The following CMIP variants were observed in gnomAD, a reference collection of about 807,000 sequenced individuals.
CMIP encodes the protein c-Maf inducing protein, also known as C-Maf-inducing protein.
Under a neutral mutation model 97.3 loss-of-function variants are expected in CMIP, and 13 were observed. The observed-to-expected ratio is 0.13, with a 90% CI of 0.09 to 0.21. The LOEUF is 0.21. Among genes scored for constraint, CMIP ranks in the 10% least tolerant of loss-of-function variants. The probability of loss-of-function intolerance (pLI) is 1.00; values close to 1 mark genes in which losing one functional copy is unlikely to be tolerated. For missense variants in CMIP, 847 were observed against 1,024.9 expected (o/e 0.83, Z 2.37); for synonymous variants, 538 against 436.3 (o/e 1.23, Z -2.91).
In CMIP at chr16:81,621,796, A is replaced by G. The variant is rs376863840; in HGVS notation, c.477+870A>G. On this transcript the variant is annotated intron_variant, in intron 3 of 20. Transcript: ENST00000537098. This position sits in a 1 kb window ranked among gnomAD's most constrained non-coding sequence, Gnocchi z 4.1. The stretch of plus-strand genomic sequence containing the variant: ...CACGTGTTGGGAGGACCCAGGGAAC[A>G]CTCAGGATTCCTCTCATGGCTCCAG... 5.9e-5 allele frequency: 9 copies of G among 152,500 alleles called. No individual in the cohort carries two copies. Among genetic ancestry groups the G allele is most frequent in the African/African-American group, 1.7e-4 (7 of 41,424 alleles). 9.4% of individuals were successfully genotyped at this position (152,500 alleles called of 1,614,324 possible). A position where few individuals can be genotyped will look rare whatever the true frequency, so the allele number is the denominator to read the frequency against.
chr16:81,638,815 G>A (rs1028410852), intron 3 of CMIP, among the ~76,000 whole-genome samples: 1 of 152,096 alleles, frequency 6.6e-6, no homozygotes, highest in African/African-American at 2.4e-5. Flanking sequence ...AGGGAATCCA[G>A]GAGGACAGGA....
Position 81,652,162 on chromosome 16 carries a change from C to G in CMIP, c.478-41C>G, listed in dbSNP as rs763883036. On this transcript the variant is annotated intron_variant, in intron 3 of 20. Transcript: ENST00000537098. This position sits in a 1 kb window ranked among gnomAD's most constrained non-coding sequence, Gnocchi z 5.2. Reference sequence around the variant, plus strand: ...TGTCTTCCATCTTCTGCCTTCCTTACGTGAGTAACATGTTGCTGTCTCTTT... The same window carrying G: ...TGTCTTCCATCTTCTGCCTTCCTTAGGTGAGTAACATGTTGCTGTCTCTTT... 2 of 1,526,770 alleles carry G rather than the reference C, an allele frequency of 1.3e-6. No homozygotes were observed. Among genetic ancestry groups the G allele is most frequent in the South Asian group, 1.1e-5 (1 of 88,406 alleles). The allele number at this position is 1,526,770 out of a possible 1,614,324, so 94.6% of individuals were successfully genotyped here.
Position 81,655,750 on chromosome 16 carries a change from T to C in CMIP, c.640-2025T>C, listed in dbSNP as rs938715064. On this transcript the variant is annotated intron_variant, in intron 4 of 20. Transcript: ENST00000537098. The surrounding 1 kb of genome is among the most constrained non-coding windows in gnomAD (Gnocchi z 4.9). Reference sequence around the variant, plus strand: ...CACTGTAGCTCAGTGGCAGGAAATATAGACTTTAGAGTAAGGACAGACGGG... The same window carrying C: ...CACTGTAGCTCAGTGGCAGGAAATACAGACTTTAGAGTAAGGACAGACGGG... 3.9e-5 allele frequency among the ~76,000 whole-genome samples: 6 copies of C among 152,178 alleles called. No homozygotes were observed. Among genetic ancestry groups the C allele is most frequent in the African/African-American group, 9.7e-5 (4 of 41,430 alleles).
intron 1 of CMIP, among the ~76,000 whole-genome samples, chr16:81,482,164 C>G (rs549012894): frequency 6.6e-6 from 1 of 152,270 alleles, no homozygotes; most frequent in East Asian, 1.9e-4. Context: ...TAGGCATGAG[C>G]TACCGGGCCT....
At chr16:81,635,889 A>C (rs1430716165) in intron 3 of CMIP, among the ~76,000 whole-genome samples, 5 of 152,104 alleles carry the variant, frequency 3.3e-5, no homozygotes, top group Non-Finnish European at 2.9e-5. Context: ...GGCTCTTAGG[A>C]AAATGGTTTG....
intron 17 of CMIP, 200 bp from the exon 18 acceptor site, chr16:81,703,739 C>A: frequency 1.6e-6 from 1 of 628,112 alleles, no homozygotes; most frequent in Non-Finnish European, 2.7e-6. Flanking sequence ...CCATGGGATG[C>A]GTGGCAGCCC....
At chr16:81,691,950 C>A (rs544207112) in intron 11 of CMIP, 110 bp downstream of exon 11, 7 of 954,740 alleles carry the variant, frequency 7.3e-6, no homozygotes, top group Middle Eastern at 2.1e-4. Flanking sequence ...GAAGTCACAG[C>A]GGGAAGACCC....
At chr16:81,517,587 A>G (rs528388325) in intron 1 of CMIP, among the ~76,000 whole-genome samples, 10 of 152,326 alleles carry the variant, frequency 6.6e-5, no homozygotes, top group African/African-American at 2.4e-4. Flanking sequence ...TCTCATTTCT[A>G]TATTATTCAA....
intron 3 of CMIP, among the ~76,000 whole-genome samples, chr16:81,649,832 C>T (rs992504903): frequency 9.8e-5 from 15 of 152,298 alleles, no homozygotes; most frequent in African/African-American, 3.1e-4. Context: ...ATTTCATGGT[C>T]TTTTAAAAAT....
At chr16:81,476,579 A>C (rs1204600896) in intron 1 of CMIP, 9 of 520,650 alleles carry the variant, frequency 1.7e-5, no homozygotes, top group Non-Finnish European at 2.8e-5. Flanking sequence ...TGTTTCCTAG[A>C]TTGTAAAGTT....
intron 1 of CMIP, among the ~76,000 whole-genome samples, chr16:81,450,856 G>A (rs1386508915): frequency 2.0e-5 from 3 of 152,114 alleles, no homozygotes; most frequent in Admixed American, 6.6e-5. Context: ...CTTACTCGAC[G>A]TCCACACAGC....
chr16:81,643,865 A>C (rs1160481897), intron 3 of CMIP, among the ~76,000 whole-genome samples: 1 of 152,166 alleles, frequency 6.6e-6, no homozygotes, highest in East Asian at 1.9e-4. Flanking sequence ...AAGTAAATCT[A>C]TATGTATGTG....
chr16:81,547,093 C>T (rs1597540215), intron 1 of CMIP, among the ~76,000 whole-genome samples: 1 of 152,180 alleles, frequency 6.6e-6, no homozygotes, highest in Non-Finnish European at 1.5e-5. Flanking sequence ...GTGGGATGGC[C>T]GAGCCATGCC....
At position 81,493,613 on chromosome 16, in the gene CMIP, G is replaced by T. The variant is rs185009110; in HGVS notation, c.300+48072G>T. ...CAGCCTTGTTGAATCTTCCGGCAGT[G>T]TGGCGAGTTAGGTCTGCTCGTTCCC... On this transcript the variant is annotated intron_variant, in intron 1 of 20. Transcript: ENST00000537098. Among the ~76,000 whole-genome samples the T allele has an allele frequency of 9.7e-4, 148 of 152,368 alleles. 1 individual carries two copies. Among genetic ancestry groups the T allele is most frequent in the Non-Finnish European group, 1.8e-3 (124 of 68,040 alleles).
chr16:81,448,641 G>T (rs1044738760), intron 1 of CMIP, among the ~76,000 whole-genome samples: 2 of 152,250 alleles, frequency 1.3e-5, no homozygotes, highest in African/African-American at 4.8e-5. Context: ...TTAAATCCTT[G>T]CAGAGCCAAC....
chr16:81,695,777 G>A (rs1906645587), intron 13 of CMIP: 1 of 152,880 alleles, frequency 6.5e-6, no homozygotes, highest in Admixed American at 6.5e-5. Flanking sequence ...ACAGCTCTGG[G>A]AAGGAATGTG....
intron 3 of CMIP, among the ~76,000 whole-genome samples, chr16:81,647,439 C>CCA (rs2092376250): frequency 6.6e-6 from 1 of 152,136 alleles, no homozygotes. Flanking sequence ...TGGGTTTCAC[C>CCA]GCATGCTATA....
chr16:81,575,286 C>T (rs568254913), intron 1 of CMIP, among the ~76,000 whole-genome samples: 1 of 152,194 alleles, frequency 6.6e-6, no homozygotes. Flanking sequence ...GTCGGGCCTC[C>T]TCTGGGCTTT....
At chr16:81,539,114 A>C (rs1226263854) in intron 1 of CMIP, among the ~76,000 whole-genome samples, 2 of 152,182 alleles carry the variant, frequency 1.3e-5, no homozygotes, top group Non-Finnish European at 2.9e-5. Flanking sequence ...CTTGAATGTC[A>C]TATTAGCTGG....
Sources: gnomAD v4.1 joint callset for allele counts (sites outside exome capture counted in the v4.1 genomes callset) on GRCh38, gnomAD v4.1.1 for gene constraint, Gnocchi (gnomAD v3.1) non-coding constraint, MANE v1.5 for transcripts, NCBI Gene and HGNC (gene_info 2026-07-23, HGNC 2026-07-21) for gene names.